The following SPTBN1 variants were observed in gnomAD, a reference collection of about 807,000 sequenced individuals.
SPTBN1 encodes spectrin beta chain, non-erythrocytic 1.
Under a neutral mutation model 266.4 loss-of-function variants are expected in SPTBN1, and 32 were observed. The ratio of observed to expected loss-of-function variants is 0.12; its 90% CI spans 0.09 to 0.16. The LOEUF (loss-of-function observed/expected upper bound fraction) is 0.16. Ranked by LOEUF, SPTBN1 falls within the 10% of genes least tolerant of loss-of-function variation. The pLI, the probability that SPTBN1 is intolerant of heterozygous loss-of-function variation, is 1.00. For missense variants in SPTBN1, 2,296 were observed against 3,067.1 expected, an observed-to-expected ratio of 0.75 and a Z score of 5.94; for synonymous variants, 1,336 against 1,162.2, an observed-to-expected ratio of 1.15 and a Z score of -3.04.
intron 2 of SPTBN1, among the ~76,000 whole-genome samples, chr2:54,538,797 A>T (rs1048991399): frequency 6.6e-6 from 1 of 152,208 alleles, no homozygotes; most frequent in African/African-American, 2.4e-5. Context: ...CATGTATGTG[A>T]AGTCGCCTTA....
chr2:54,472,685 A>AG (rs1319066872), intron 1 of SPTBN1, among the ~76,000 whole-genome samples: 1 of 150,070 alleles, frequency 6.7e-6, no homozygotes. Context: ...TCAAGGTTGC[A>AG]GGGGGTGTGG....
At chr2:54,526,718 A>G (rs951839810) in intron 2 of SPTBN1, 152 bp downstream of exon 2, 2 of 923,794 alleles carry the variant, frequency 2.2e-6, no homozygotes, top group Non-Finnish European at 1.5e-6. Context: ...ACCATTTTAT[A>G]AGGTAGTCAG....
chr2:54,525,920 C>T (rs1161242487), intron 1 of SPTBN1, among the ~76,000 whole-genome samples: 1 of 152,080 alleles, frequency 6.6e-6, no homozygotes, highest in Non-Finnish European at 1.5e-5. Context: ...TTGGTAGAGA[C>T]GGGTTTTCAC....
At chr2:54,551,613 A>C (rs1165810355) in intron 2 of SPTBN1, among the ~76,000 whole-genome samples, 1 of 152,212 alleles carries the variant, frequency 6.6e-6, no homozygotes, top group African/African-American at 2.4e-5. Context: ...TTTTGTATTC[A>C]GGTCTGATAT....
chr2:54,492,881 C>T (rs1223400898), intron 1 of SPTBN1, among the ~76,000 whole-genome samples: 3 of 152,074 alleles, frequency 2.0e-5, no homozygotes, highest in Admixed American at 6.6e-5. Context: ...CACTCAGATC[C>T]TTTAAAAACT....
chr2:54,569,155 T>TA (rs1673882271), intron 2 of SPTBN1, among the ~76,000 whole-genome samples: 1 of 152,176 alleles, frequency 6.6e-6, no homozygotes, highest in Non-Finnish European at 1.5e-5. Flanking sequence ...CGGAAGTTTT[T>TA]ACCCCTGGGA....
Position 54,629,280 on chromosome 2 carries a change from C to A in SPTBN1, c.2146C>A (p.Arg716Ser). The A allele has an allele frequency of 4.3e-6, 7 of 1,614,036 alleles. No homozygotes were observed. Among genetic ancestry groups the A allele is most frequent in the Non-Finnish European group, 5.9e-6 (7 of 1,180,036 alleles). Residue 716 changes from arginine to serine, a missense_variant, in exon 14 of 36, where the codon CGT (arginine) becomes AGT (serine). This residue lies in a region of SPTBN1 where 434 missense variants were observed against 573.9 expected (regional missense o/e 0.76). Transcript: ENST00000356805. Reference protein sequence around the residue: ...AEEHFGSEKIRERIIYIREQW... With the variant: ...AEEHFGSEKISERIIYIREQW... ...GGAGCACTTCGGGTCGGAGAAGATCCGTGAGAGGATCATTTACATCCGGGA... is the reference window on the plus strand; with the variant it reads ...GGAGCACTTCGGGTCGGAGAAGATCAGTGAGAGGATCATTTACATCCGGGA...
intron 2 of SPTBN1, among the ~76,000 whole-genome samples, chr2:54,572,069 C>T (rs1435383401): frequency 7.6e-6 from 1 of 132,072 alleles, no homozygotes; most frequent in African/African-American, 2.9e-5. Context: ...TGGACTCTCA[C>T]ATACTCCCTA....
At chr2:54,586,037 T>C (rs1430014289) in intron 2 of SPTBN1, among the ~76,000 whole-genome samples, 1 of 152,230 alleles carries the variant, frequency 6.6e-6, no homozygotes, top group African/African-American at 2.4e-5. Flanking sequence ...AATTCTTTAG[T>C]TTCAGAATTT....
At chr2:54,666,244 G>A (rs564516347) in intron 34 of SPTBN1, among the ~76,000 whole-genome samples, 156 bp downstream of exon 34, 101 of 152,200 alleles carry the variant, frequency 6.6e-4, no homozygotes, top group African/African-American at 2.0e-3. Flanking sequence ...CACGTGTCTC[G>A]GTTAGGCTGA....
At chr2:54,622,155 G>T (rs1478461981) in intron 8 of SPTBN1, 145 bp from the exon 9 acceptor site, 9 of 729,706 alleles carry the variant, frequency 1.2e-5, no homozygotes, top group South Asian at 4.3e-5. Flanking sequence ...AAATGCTTGT[G>T]CCCAGGTACA....
rs147294273 is a variant in SPTBN1 at position 54,629,540 on chromosome 2, G to C, written c.2406G>C (p.Thr802=). 2 of 1,614,104 alleles carry C rather than the reference G, an allele frequency of 1.2e-6. No individual in the cohort carries two copies. Among genetic ancestry groups the C allele is most frequent in the Non-Finnish European group, 1.7e-6 (2 of 1,180,046 alleles). Residue 802 remains threonine (T), a synonymous_variant, in exon 14 of 36, where the codon ACG becomes ACC. Transcript: ENST00000356805. ...EIANYRPTLD[T]LHEQASALPQ... ...CCAATTACAGGCCCACCCTTGACAC[G>C]CTGCACGAACAAGCCAGCGCCCTCC...
chr2:54,518,860 C>G (rs973535513), intron 1 of SPTBN1, among the ~76,000 whole-genome samples: 4 of 152,100 alleles, frequency 2.6e-5, no homozygotes, highest in African/African-American at 9.7e-5. Context: ...CATGTATTCT[C>G]TATTTGTTGC....
intron 2 of SPTBN1, among the ~76,000 whole-genome samples, chr2:54,572,203 A>G (rs1278203191): frequency 2.6e-5 from 4 of 152,086 alleles, no homozygotes; most frequent in African/African-American, 9.7e-5. Flanking sequence ...TAGACATCAC[A>G]TTGTCTTTTT....
At chr2:54,473,881 T>C (rs1245444930) in intron 1 of SPTBN1, among the ~76,000 whole-genome samples, 3 of 152,250 alleles carry the variant, frequency 2.0e-5, no homozygotes, top group African/African-American at 4.8e-5. Flanking sequence ...CACAAGCTTA[T>C]AGGACTAGGA....
intron 2 of SPTBN1, among the ~76,000 whole-genome samples, chr2:54,538,920 G>A (rs1467793926): frequency 6.6e-6 from 1 of 152,190 alleles, no homozygotes; most frequent in East Asian, 1.9e-4. Context: ...TTTACCTATT[G>A]GTTCACTCTA....
chr2:54,598,468 CT>C (rs11354763), intron 2 of SPTBN1, among the ~76,000 whole-genome samples: 119,027 of 152,068 alleles, frequency 0.78, 47,256 homozygotes, highest in African/African-American at 0.91. Flanking sequence ...TTGCCATTTT[CT>C]TTTGTTGTTC....
At chr2:54,541,966 A>G (rs575756636) in intron 2 of SPTBN1, among the ~76,000 whole-genome samples, 6 of 152,326 alleles carry the variant, frequency 3.9e-5, no homozygotes, top group African/African-American at 9.6e-5. Flanking sequence ...GCATTGATCT[A>G]TTAATTCAAT....
At chr2:54,579,720 T>A (rs1011782649) in intron 2 of SPTBN1, among the ~76,000 whole-genome samples, 5 of 152,198 alleles carry the variant, frequency 3.3e-5, no homozygotes, top group African/African-American at 9.6e-5. Context: ...AAAATGTAAG[T>A]CTTAGGAGAA....
Sources: gnomAD v4.1 joint callset for allele counts (sites outside exome capture counted in the v4.1 genomes callset) on GRCh38, gnomAD v4.1.1 for gene constraint, gnomAD v4.1.1 regional missense constraint, MANE v1.5 for transcripts, NCBI Gene and HGNC (gene_info 2026-07-23, HGNC 2026-07-21) for gene names.